BRINP3: variants seen among roughly 807,000 people sequenced by gnomAD.
BRINP3 encodes BMP/retinoic acid inducible neural specific 3, also known as BMP/retinoic acid-inducible neural-specific protein 3.
In BRINP3, 19 loss-of-function variants were observed where a neutral mutation model predicts 71.0. That is an observed-to-expected ratio of 0.27 (90% confidence interval 0.19 to 0.39). BRINP3 has a LOEUF of 0.39. BRINP3 is among the 10% of genes least tolerant of loss of function. The pLI is 1.00. For synonymous variants in BRINP3, 380 were observed against 337.7 expected (o/e 1.13, Z -1.37); for missense variants, 959 against 940.8 (o/e 1.02, Z -0.25).
chr1:190,196,990 A>C lies in BRINP3; in HGVS notation c.961+29092T>G, dbSNP rs569123409. ...TATATTATTGTTTTAGTCTGTTCTC[A>C]TGCCACTAATAAAGTCATAGGAGCG... On this transcript the variant is annotated intron_variant, in intron 6 of 7. Transcript: ENST00000367462. 1.7e-3 allele frequency among the ~76,000 whole-genome samples: 264 copies of C among 151,542 alleles called. 4 individuals carry two copies. Among genetic ancestry groups the C allele is most frequent in the Non-Finnish European group, 2.8e-3 (190 of 67,858 alleles).
At chr1:190,233,335 G>T (rs530612308) in intron 5 of BRINP3, among the ~76,000 whole-genome samples, 77 of 152,050 alleles carry the variant, frequency 5.1e-4, no homozygotes, top group Admixed American at 1.1e-3. Context: ...GGGACTGCAG[G>T]CCTGCAACAC....
chr1:190,207,439 T>C (rs1655608869), intron 6 of BRINP3, among the ~76,000 whole-genome samples: 1 of 152,132 alleles, frequency 6.6e-6, no homozygotes, highest in Admixed American at 6.6e-5. Flanking sequence ...ACACTAGCAC[T>C]TTGTCAATTC....
chr1:190,393,586 AT>A (rs546233090), intron 2 of BRINP3, among the ~76,000 whole-genome samples: 45 of 151,826 alleles, frequency 3.0e-4, no homozygotes, highest in Middle Eastern at 6.8e-3. Context: ...ACTGATAAAC[AT>A]TAGAAAACTT....
intron 7 of BRINP3, among the ~76,000 whole-genome samples, chr1:190,146,480 C>A (rs988139570): frequency 6.6e-6 from 1 of 152,074 alleles, no homozygotes; most frequent in Non-Finnish European, 1.5e-5. Flanking sequence ...TATAAATATT[C>A]ACTATTTTAA....
At chr1:190,348,921 T>C (rs1668194935) in intron 2 of BRINP3, among the ~76,000 whole-genome samples, 1 of 152,152 alleles carries the variant, frequency 6.6e-6, no homozygotes, top group South Asian at 2.1e-4. Context: ...CGCAACTTGT[T>C]CTTCAATAAA....
intron 2 of BRINP3, among the ~76,000 whole-genome samples, chr1:190,390,034 TAAAGATGGAAAAAC>T (rs1192194737): frequency 2.0e-5 from 3 of 151,766 alleles, no homozygotes; most frequent in Non-Finnish European, 4.4e-5. Flanking sequence ...ACTTTTCCTG[TAAAGATGGAAAAAC>T]AAACCTCTTT....
chr1:190,215,415 A>T (rs1435291944), intron 6 of BRINP3, among the ~76,000 whole-genome samples: 1 of 151,984 alleles, frequency 6.6e-6, no homozygotes, highest in Non-Finnish European at 1.5e-5. Flanking sequence ...CATGTAAAGT[A>T]GCATGTTAGT....
At chr1:190,167,062 G>C (rs778644914) in intron 6 of BRINP3, among the ~76,000 whole-genome samples, 1 of 151,932 alleles carries the variant, frequency 6.6e-6, no homozygotes, top group Non-Finnish European at 1.5e-5. Flanking sequence ...TGTAGCACAT[G>C]AGTAGGTTTC....
At chr1:190,444,915 G>T (rs945251999) in intron 2 of BRINP3, among the ~76,000 whole-genome samples, 8 of 152,124 alleles carry the variant, frequency 5.3e-5, no homozygotes, top group Non-Finnish European at 7.3e-5. Context: ...AATAAGATAC[G>T]TACGTCCTTT....
chr1:190,249,871 A>G (rs190352113), intron 4 of BRINP3, among the ~76,000 whole-genome samples: 55 of 152,080 alleles, frequency 3.6e-4, no homozygotes, highest in Non-Finnish European at 5.9e-4. Context: ...TCTAAATTTA[A>G]AAGGAAAAAA....
At chr1:190,268,891 C>T (rs1417291757) in intron 3 of BRINP3, among the ~76,000 whole-genome samples, 1 of 151,908 alleles carries the variant, frequency 6.6e-6, no homozygotes, top group Non-Finnish European at 1.5e-5. Flanking sequence ...ATGACATGAT[C>T]GATTTTTTCT....
chr1:190,286,369 A>G (rs1663426154), intron 2 of BRINP3, among the ~76,000 whole-genome samples: 1 of 152,170 alleles, frequency 6.6e-6, no homozygotes, highest in Non-Finnish European at 1.5e-5. Flanking sequence ...AACCTTTCTT[A>G]TTAGCATTTA....
In BRINP3 at chr1:190,098,488, T is replaced by A; in HGVS notation, c.1831A>T (p.Thr611Ser). The change falls in exon 8 of 8, where the codon ACA becomes TCA. Residue 611 changes from threonine to serine, a missense_variant. By Grantham distance (58) the Thr-to-Ser change is moderately conservative. Coordinates refer to ENST00000367462, the MANE Select transcript of BRINP3 (RefSeq NM_199051.3). Reference protein sequence around the residue: ...LDLPLQCYNWTLTLGNKWKTF... With the variant: ...LDLPLQCYNWSLTLGNKWKTF... ...TTCCATTTGTTCCCCAGAGTTAATGTCCAGTTATAACACTGCAGGGGTAGG... is the reference window on the plus strand; with the variant it reads ...TTCCATTTGTTCCCCAGAGTTAATGACCAGTTATAACACTGCAGGGGTAGG... The A allele has an allele frequency of 6.2e-7, 1 of 1,614,136 alleles. No individual in the cohort carries two copies. The highest frequency in any genetic ancestry group is 8.5e-7 in the Non-Finnish European group (1 of 1,180,024).
chr1:190,463,275 CACTT>C (rs1294695985), intron 1 of BRINP3, among the ~76,000 whole-genome samples: 1 of 151,622 alleles, frequency 6.6e-6, no homozygotes, highest in East Asian at 1.9e-4. Flanking sequence ...AATGAGATGA[CACTT>C]AATATTTTGC....
intron 2 of BRINP3, among the ~76,000 whole-genome samples, chr1:190,291,380 A>G (rs1446689066): frequency 6.6e-6 from 1 of 152,108 alleles, no homozygotes. Flanking sequence ...AAAGGAAATA[A>G]TATACAGAAT....
At chr1:190,421,433 G>A (rs893366575) in intron 2 of BRINP3, among the ~76,000 whole-genome samples, 1 of 150,766 alleles carries the variant, frequency 6.6e-6, no homozygotes, top group Non-Finnish European at 1.5e-5. Flanking sequence ...TGTTTTAAAA[G>A]TCATACTAAA....
intron 1 of BRINP3, among the ~76,000 whole-genome samples, chr1:190,467,284 A>G (rs1326496480): frequency 2.0e-5 from 3 of 151,616 alleles, no homozygotes; most frequent in Non-Finnish European, 4.4e-5. Flanking sequence ...CTTATGAGCA[A>G]TGATTACATA....
rs1472677959 is a variant in BRINP3 at position 190,265,812 on chromosome 1, C to T, written c.428-757G>A. 2.0e-5 allele frequency among the ~76,000 whole-genome samples: 3 copies of T among 152,082 alleles called. No individual in the cohort carries two copies. The East Asian group carries it at 5.8e-4, about 29-fold the overall frequency. Reference sequence around the variant, plus strand: ...ATCCAAATGGAAATATGACAAAGCACTAGTTTTCATCTGCACCTTTAAAAT... The same window carrying T: ...ATCCAAATGGAAATATGACAAAGCATTAGTTTTCATCTGCACCTTTAAAAT... On this transcript the variant is annotated intron_variant, in intron 3 of 7. Coordinates refer to ENST00000367462, the MANE Select transcript of BRINP3 (RefSeq NM_199051.3).
intron 2 of BRINP3, among the ~76,000 whole-genome samples, chr1:190,299,677 T>C (rs1038794690): frequency 5.4e-5 from 8 of 148,566 alleles, no homozygotes; most frequent in Non-Finnish European, 7.4e-5. Context: ...AGTGAGAATA[T>C]GCCACCGCAT....
Sources: gnomAD v4.1 joint callset for allele counts (sites outside exome capture counted in the v4.1 genomes callset) on GRCh38, gnomAD v4.1.1 for gene constraint, MANE v1.5 for transcripts, NCBI Gene and HGNC (gene_info 2026-07-23, HGNC 2026-07-21) for gene names.